Variants in STIM1 observed in about 807,000 individuals in gnomAD.
The protein encoded by STIM1 is stromal interaction molecule 1.
A neutral mutation model predicts 74.7 loss-of-function variants in STIM1; 25 were observed. That is an observed-to-expected ratio of 0.33 (90% CI 0.24 to 0.47). The LOEUF (loss-of-function observed/expected upper bound fraction) is 0.47. Ranked by LOEUF, STIM1 falls within the 20% of genes least tolerant of loss-of-function variation. The pLI is 1.00. For synonymous variants in STIM1, 328 were observed against 348.8 expected (o/e 0.94, Z 0.66); for missense variants, 728 against 920.8 (o/e 0.79, Z 2.71).
rs561969780 is a variant in STIM1 at position 4,052,901 on chromosome 11, C to T, written c.386-2625C>T. Reference sequence around the variant, plus strand: ...TCAAACAAAGTTACAAGAAAAAACCCCATCAAAAAGTAGGCGAAGGATATG... The same window carrying T: ...TCAAACAAAGTTACAAGAAAAAACCTCATCAAAAAGTAGGCGAAGGATATG... On this transcript the variant is annotated intron_variant, in intron 3 of 12. Transcript: ENST00000526596. Among the ~76,000 whole-genome samples the T allele has an allele frequency of 2.0e-3, 302 of 151,998 alleles. 1 individual carries two copies. Among genetic ancestry groups the T allele is most frequent in the Middle Eastern group, 6.8e-3 (2 of 294 alleles).
chr11:4,047,163 G>A (rs765611463), intron 3 of STIM1, among the ~76,000 whole-genome samples: 39 of 152,148 alleles, frequency 2.6e-4, no homozygotes, highest in Non-Finnish European at 4.3e-4. Context: ...CACATTCCGT[G>A]CCTTCAATGT....
chr11:4,055,414 G>A, intron 3 of STIM1, 112 bp from the exon 4 acceptor site: 2 of 807,870 alleles, frequency 2.5e-6, no homozygotes, highest in Non-Finnish European at 4.2e-6. Flanking sequence ...TATTTTATGG[G>A]ACAGATAGAT....
chr11:3,873,518 C>T (rs1402243289), intron 1 of STIM1, among the ~76,000 whole-genome samples: 2 of 151,660 alleles, frequency 1.3e-5, no homozygotes, highest in African/African-American at 2.4e-5. Flanking sequence ...CCTCGCACCT[C>T]GGCCTCCCAA....
intron 4 of STIM1, among the ~76,000 whole-genome samples, chr11:4,056,128 C>G (rs1318513395): frequency 6.6e-6 from 1 of 152,026 alleles, no homozygotes; most frequent in Non-Finnish European, 1.5e-5. Flanking sequence ...CTTTTATCAC[C>G]CGGGAGCCTC....
intron 1 of STIM1, among the ~76,000 whole-genome samples, chr11:3,942,815 T>C (rs2093027221): frequency 6.6e-6 from 1 of 152,172 alleles, no homozygotes; most frequent in Non-Finnish European, 1.5e-5. Context: ...CAGACCTCTT[T>C]ATGAGGTAAT....
At chr11:3,945,072 G>A (rs2093056011) in intron 1 of STIM1, among the ~76,000 whole-genome samples, 1 of 152,212 alleles carries the variant, frequency 6.6e-6, no homozygotes, top group Admixed American at 6.5e-5. Flanking sequence ...ATAGGCTTTG[G>A]AGTCAAGCTG....
intron 3 of STIM1, among the ~76,000 whole-genome samples, chr11:4,025,147 A>C (rs956899228): frequency 2.6e-5 from 4 of 152,214 alleles, no homozygotes; most frequent in African/African-American, 9.7e-5. Context: ...CATTAGTCTA[A>C]GGTAGAGAAG....
chr11:4,026,260 C>T (rs1347799257), intron 3 of STIM1, among the ~76,000 whole-genome samples: 3 of 152,142 alleles, frequency 2.0e-5, no homozygotes, highest in Non-Finnish European at 2.9e-5. Context: ...GGGAGCCAGT[C>T]TTTTCTCTGT....
intron 1 of STIM1, among the ~76,000 whole-genome samples, chr11:3,917,741 G>A (rs2092667527): frequency 1.3e-5 from 2 of 152,084 alleles, no homozygotes; most frequent in South Asian, 4.1e-4. Flanking sequence ...GCCTTGTTTT[G>A]TTTTTGAAGA....
rs2093886124 is a variant in STIM1 at position 4,015,414 on chromosome 11, C to G, written c.271-8459C>G. ...TGTAGGGTTTCTGCCAAGAGATCCA[C>G]TGTTAGTCTGATGGGCTTCCCTTTG... On this transcript the variant is annotated intron_variant, in intron 2 of 12. Transcript: ENST00000526596. Among the ~76,000 whole-genome samples, 5 of 152,348 alleles carry G rather than the reference C, an allele frequency of 3.3e-5. No homozygotes were observed. The South Asian group carries it at 1.0e-3, about 32-fold the overall frequency.
rs137926267 is a variant in STIM1, at chr11:4,007,890, C to T, written c.271-15983C>T. On this transcript the variant is annotated intron_variant, in intron 2 of 12. Coordinates refer to ENST00000526596, the MANE Select transcript of STIM1 (RefSeq NM_001382567.1). ...CTTCAGAAGGAGCAGCTCTGGCAGA[C>T]TGTTGCCATGTAGTCATGTACTCCA... 2.2e-3 allele frequency among the ~76,000 whole-genome samples: 331 copies of T among 152,258 alleles called. 1 individual carries two copies. Among genetic ancestry groups the T allele is most frequent in the African/African-American group, 7.4e-3 (309 of 41,546 alleles).
chr11:4,031,598 G>A (rs753127655), intron 3 of STIM1, among the ~76,000 whole-genome samples: 22 of 152,132 alleles, frequency 1.4e-4, no homozygotes, highest in Non-Finnish European at 2.5e-4. Context: ...TATAATGATC[G>A]TGGTTTTATT....
intron 1 of STIM1, among the ~76,000 whole-genome samples, chr11:3,904,752 G>A (rs1052017706): frequency 1.3e-5 from 2 of 152,118 alleles, no homozygotes; most frequent in African/African-American, 2.4e-5. Context: ...CTGTGATGCT[G>A]TTAACACATG....
chr11:3,916,509 T>A (rs2092646312), intron 1 of STIM1, among the ~76,000 whole-genome samples: 2 of 150,324 alleles, frequency 1.3e-5, no homozygotes. Flanking sequence ...GGAGTGTAAA[T>A]GGGGTGATCT....
intron 2 of STIM1, chr11:3,972,884 A>G (rs2093410054): frequency 2.0e-6 from 1 of 490,808 alleles, no homozygotes; most frequent in Non-Finnish European, 4.0e-6. Context: ...TAGAATCCAG[A>G]GCTTCTGCCT....
At chr11:4,045,889 C>G (rs566463943) in intron 3 of STIM1, among the ~76,000 whole-genome samples, 1 of 150,134 alleles carries the variant, frequency 6.7e-6, no homozygotes, top group Admixed American at 6.7e-5. Context: ...ACCTCAGCCT[C>G]CCGAGTAGCT....
intron 1 of STIM1, among the ~76,000 whole-genome samples, chr11:3,944,065 A>T (rs1216362415): frequency 6.6e-6 from 1 of 152,216 alleles, no homozygotes; most frequent in African/African-American, 2.4e-5. Context: ...GAATGAACAG[A>T]TGAATTAGTT....
rs1193935756 is a variant in STIM1, at chr11:4,026,080, C to T, written c.385+2093C>T. 5.3e-5 allele frequency among the ~76,000 whole-genome samples: 8 copies of T among 152,290 alleles called. No individual in the cohort carries two copies. The East Asian group carries it at 9.6e-4, about 18-fold the overall frequency. On this transcript the variant is annotated intron_variant, in intron 3 of 12. Transcript: ENST00000526596. ...CCTAATCTCTCCGGAGTGATGATTT[C>T]CAGAGCTACAAAAAGCATTTAATAT...
At chr11:3,949,809 A>G (rs2093123013) in intron 1 of STIM1, among the ~76,000 whole-genome samples, 1 of 152,204 alleles carries the variant, frequency 6.6e-6, no homozygotes, top group Non-Finnish European at 1.5e-5. Flanking sequence ...CATGGCCAGG[A>G]TATTGACATT....
Sources: gnomAD v4.1 joint callset for allele counts (sites outside exome capture counted in the v4.1 genomes callset) on GRCh38, gnomAD v4.1.1 for gene constraint, MANE v1.5 for transcripts, NCBI Gene and HGNC (gene_info 2026-07-23, HGNC 2026-07-21) for gene names.